Variants in IFT74 observed in about 807,000 individuals in gnomAD.
IFT74 encodes the protein intraflagellar transport protein 74 homolog.
In IFT74, 92 loss-of-function variants were observed where a neutral mutation model predicts 96.7. That is an observed-to-expected ratio of 0.95 (90% CI 0.80 to 1.13). The LOEUF is 1.13. Ranked by LOEUF, IFT74 falls within the 50% of genes most tolerant of loss-of-function variation. The probability of loss-of-function intolerance (pLI) is 0.00; values close to 1 mark genes in which losing one functional copy is unlikely to be tolerated. For synonymous variants in IFT74, 223 were observed against 213.2 expected, an observed-to-expected ratio of 1.05 and a Z score of -0.40; for missense variants, 811 against 698.2, an observed-to-expected ratio of 1.16 and a Z score of -1.82.
rs530725392 is a variant in IFT74 at position 26,993,669 on chromosome 9, A to G, written c.587+3474A>G. On this transcript the variant is annotated intron_variant, in intron 8 of 19. Coordinates refer to ENST00000380062, the MANE Select transcript of IFT74 (RefSeq NM_025103.4). ...ATACAAATTTTTAAAACTTTATTATATACATAAACAATTTGAACATACACA... is the reference window on the plus strand; with the variant it reads ...ATACAAATTTTTAAAACTTTATTATGTACATAAACAATTTGAACATACACA... 177 of 152,322 alleles carry G rather than the reference A, an allele frequency of 1.2e-3. 1 individual carries two copies. The highest frequency in any genetic ancestry group is 4.1e-3 in the African/African-American group (170 of 41,556). 9.4% of individuals were successfully genotyped at this position (152,322 alleles called of 1,614,324 possible). A position where few individuals can be genotyped will look rare whatever the true frequency, so the allele number is the denominator to read the frequency against.
intron 8 of IFT74, among the ~76,000 whole-genome samples, chr9:27,005,362 C>A (rs1048870670): frequency 9.6e-5 from 2 of 20,928 alleles, no homozygotes; most frequent in South Asian, 1.7e-3. Flanking sequence ...TCCCCCCCCG[C>A]CCCCCGCAAA....
At chr9:26,997,044 C>G (rs1451368840) in intron 8 of IFT74, among the ~76,000 whole-genome samples, 2 of 151,906 alleles carry the variant, frequency 1.3e-5, no homozygotes, top group East Asian at 3.9e-4. Context: ...AAGCCCATCT[C>G]TACTAAAAAT....
Position 27,063,210 on chromosome 9 carries a change from A to G in IFT74, c.*474A>G, listed in dbSNP as rs1820503703. Among the ~76,000 whole-genome samples the G allele has an allele frequency of 6.6e-6, 1 of 152,190 alleles. No homozygotes were observed. The highest frequency in any genetic ancestry group is 2.4e-5 in the African/African-American group (1 of 41,468). ...CTCAAATAGGTTATATTTGATGTGT[A>G]TTAGACCATATAATGTCACAGGTAA... On this transcript the variant is annotated 3_prime_UTR_variant, in exon 20 of 20. Coordinates refer to ENST00000380062, the MANE Select transcript of IFT74 (RefSeq NM_025103.4).
At chr9:27,005,364 C>G (rs1167732057) in intron 8 of IFT74, among the ~76,000 whole-genome samples, 2 of 101,544 alleles carry the variant, frequency 2.0e-5, no homozygotes, top group East Asian at 4.4e-4. Flanking sequence ...CCCCCCCGCC[C>G]CCCGCAAAAC....
At chr9:27,033,904 T>C (rs1192429142) in intron 13 of IFT74, among the ~76,000 whole-genome samples, 1 of 152,214 alleles carries the variant, frequency 6.6e-6, no homozygotes, top group Non-Finnish European at 1.5e-5. Context: ...TTACCAATGC[T>C]AGCCATAAGT....
intron 2 of IFT74, among the ~76,000 whole-genome samples, chr9:26,966,396 A>G (rs1432716805): frequency 4.6e-5 from 7 of 151,904 alleles, no homozygotes; most frequent in African/African-American, 1.7e-4. Context: ...ATCTCACTGT[A>G]GTTTTGATTT....
At chr9:26,957,688 A>G (rs1020448536) in intron 1 of IFT74, among the ~76,000 whole-genome samples, 1 of 152,238 alleles carries the variant, frequency 6.6e-6, no homozygotes, top group Admixed American at 6.5e-5. Flanking sequence ...AAAGGATAGA[A>G]GCAGTCCAAG....
Position 27,064,229 on chromosome 9 carries a change from C to G in IFT74, c.*1493C>G, listed in dbSNP as rs796728035. On this transcript the variant is annotated 3_prime_UTR_variant, in exon 20 of 20. Coordinates refer to ENST00000380062, the MANE Select transcript of IFT74 (RefSeq NM_025103.4). ...ATACACTAAAATAATTTCATCTACT[C>G]AAGTCCTCTGGGTGGCTCTATGGCC... 1.3e-4 allele frequency among the ~76,000 whole-genome samples: 20 copies of G among 152,226 alleles called. No homozygotes were observed. Among genetic ancestry groups the G allele is most frequent in the Admixed American group, 3.3e-4 (5 of 15,280 alleles).
At chr9:26,981,238 A>T (rs573529802) in intron 4 of IFT74, among the ~76,000 whole-genome samples, 1 of 152,242 alleles carries the variant, frequency 6.6e-6, no homozygotes, top group East Asian at 1.9e-4. Flanking sequence ...AACCATAGCA[A>T]ACTTATTTTA....
At chr9:27,040,559 A>G (rs979653929) in intron 13 of IFT74, among the ~76,000 whole-genome samples, 1 of 151,550 alleles carries the variant, frequency 6.6e-6, no homozygotes, top group African/African-American at 2.4e-5. Context: ...AAAAAAAAAA[A>G]AAAAAAAAGA....
intron 12 of IFT74, among the ~76,000 whole-genome samples, chr9:27,020,007 A>G (rs1819539): frequency 0.31 from 45,780 of 149,882 alleles, 7,972 homozygotes; most frequent in East Asian, 0.7. Flanking sequence ...ACAGAGTCCC[A>G]GTTTGTCGCC....
At chr9:26,948,614 G>A (rs1220751623) in intron 1 of IFT74, among the ~76,000 whole-genome samples, 21 of 151,360 alleles carry the variant, frequency 1.4e-4, no homozygotes, top group African/African-American at 4.1e-4. Flanking sequence ...CTACAGGAGC[G>A]CGCCACCATG....
At chr9:26,949,942 T>C (rs879846489) in intron 1 of IFT74, among the ~76,000 whole-genome samples, 3 of 152,216 alleles carry the variant, frequency 2.0e-5, no homozygotes, top group Admixed American at 2.0e-4. Context: ...TGATGTTATC[T>C]GTAGGAGTAC....
At chr9:26,951,895 CA>C (rs937515196), upstream of IFT74, among the ~76,000 whole-genome samples, 5 of 150,510 alleles carry the variant, frequency 3.3e-5, no homozygotes, top group East Asian at 3.9e-4. Flanking sequence ...AAGACTCTCT[CA>C]AAAAAAAACA....
intron 6 of IFT74, among the ~76,000 whole-genome samples, chr9:26,987,735 T>C (rs962809563): frequency 3.3e-5 from 5 of 152,202 alleles, no homozygotes; most frequent in Non-Finnish European, 7.3e-5. Context: ...TCATATCTAC[T>C]TCATACAGTA....
At chr9:27,035,526 T>C (rs1030304633) in intron 13 of IFT74, among the ~76,000 whole-genome samples, 3 of 152,244 alleles carry the variant, frequency 2.0e-5, no homozygotes, top group African/African-American at 7.2e-5. Flanking sequence ...CCCAGACCTA[T>C]TGAATTTGAA....
chr9:26,977,253 G>C (rs752495396), intron 2 of IFT74, among the ~76,000 whole-genome samples: 1 of 152,034 alleles, frequency 6.6e-6, no homozygotes, highest in Non-Finnish European at 1.5e-5. Flanking sequence ...AGCTGGGCCT[G>C]TTGGTGCATG....
chr9:26,958,570 G>A (rs1372321426), intron 1 of IFT74, among the ~76,000 whole-genome samples: 4 of 152,184 alleles, frequency 2.6e-5, no homozygotes, highest in African/African-American at 9.7e-5. Context: ...CCAGCCATGG[G>A]AGTAAGGGAG....
chr9:26,962,031 G>T lies in IFT74; in HGVS notation c.64G>T (p.Gly22Ter), dbSNP rs769696601. The T allele has an allele frequency of 1.2e-6, 2 of 1,614,206 alleles. No homozygotes were observed. The highest frequency in any genetic ancestry group is 3.3e-5 in the Admixed American group (2 of 60,022). ...TTCAAGAGGTGGAGTTGGGTTAACA[G>T]GAAGGCCTCCTTCTGGGATACGACC... ...PVSRGGVGLT[G>*]RPPSGIRPLS... The change falls in exon 2 of 20, where the codon GGA (glycine) becomes TGA (stop). Residue 22 changes from glycine (G) to a stop codon, truncating the protein, a stop_gained. Transcript: ENST00000380062. LOFTEE classifies it high-confidence loss of function.
Sources: allele counts gnomAD v4.1 joint callset (sites outside exome capture counted in the v4.1 genomes callset), GRCh38; gene constraint gnomAD v4.1.1; transcripts MANE v1.5; gene names NCBI Gene and HGNC (gene_info 2026-07-23, HGNC 2026-07-21).